The following ADAMTS19 variants were observed in gnomAD, a reference collection of about 807,000 sequenced individuals.
ADAMTS19 encodes the protein A disintegrin and metalloproteinase with thrombospondin motifs 19.
In ADAMTS19, 93 loss-of-function variants were observed where a neutral mutation model predicts 153.3. That is an observed-to-expected ratio of 0.61 (90% confidence interval 0.51 to 0.72). The LOEUF is 0.72. Among genes scored for constraint, ADAMTS19 ranks in the 30% least tolerant of loss-of-function variants. ADAMTS19 has a pLI of 0.00. For missense variants in ADAMTS19, 1,482 were observed against 1,552.1 expected, an observed-to-expected ratio of 0.95 and a Z score of 0.76; for synonymous variants, 600 against 556.6, an observed-to-expected ratio of 1.08 and a Z score of -1.10.
intron 3 of ADAMTS19, among the ~76,000 whole-genome samples, chr5:129,524,002 A>G (rs1057412270): frequency 4.6e-5 from 7 of 152,202 alleles, no homozygotes; most frequent in African/African-American, 1.4e-4. Context: ...TCGTATAGCC[A>G]AGACAATCCT....
intron 8 of ADAMTS19, among the ~76,000 whole-genome samples, chr5:129,601,681 C>A (rs1382815734): frequency 2.6e-5 from 4 of 152,168 alleles, no homozygotes; most frequent in Non-Finnish European, 4.4e-5. Flanking sequence ...GTTGTTCTGT[C>A]CCAATGGAGT....
chr5:129,530,776 C>A (rs1752172976), intron 6 of ADAMTS19, among the ~76,000 whole-genome samples: 1 of 151,318 alleles, frequency 6.6e-6, no homozygotes, highest in South Asian at 2.1e-4. Context: ...CCACTTCTAT[C>A]CAATATCGTA....
chr5:129,618,260 TTC>T (rs1435966365), intron 8 of ADAMTS19, among the ~76,000 whole-genome samples: 1 of 152,068 alleles, frequency 6.6e-6, no homozygotes, highest in African/African-American at 2.4e-5. Context: ...TCTTCCTATT[TTC>T]TCTGTTGTTT....
chr5:129,466,045 G>T lies in ADAMTS19; in HGVS notation c.747+4288G>T, dbSNP rs1185253129. 4.6e-5 allele frequency among the ~76,000 whole-genome samples: 7 copies of T among 152,168 alleles called. 1 individual carries two copies. The highest frequency in any genetic ancestry group is 2.4e-5 in the African/African-American group (1 of 41,440). On this transcript the variant is annotated intron_variant, in intron 2 of 22. Coordinates refer to ENST00000274487, the MANE Select transcript of ADAMTS19 (RefSeq NM_133638.6). Reference sequence around the variant, plus strand: ...AGAAACGTACCTAGAACAAGAGCAGGATTTCTTTTTTCTGTTATCCCATTC... The same window carrying T: ...AGAAACGTACCTAGAACAAGAGCAGTATTTCTTTTTTCTGTTATCCCATTC...
chr5:129,588,409 G>A (rs1020791074), intron 7 of ADAMTS19, among the ~76,000 whole-genome samples: 6 of 152,038 alleles, frequency 3.9e-5, no homozygotes, highest in African/African-American at 9.7e-5. Context: ...AACATAATAT[G>A]AATCTTCTAA....
chr5:129,542,582 G>A (rs1022317444), intron 6 of ADAMTS19, among the ~76,000 whole-genome samples: 12 of 152,208 alleles, frequency 7.9e-5, no homozygotes, highest in South Asian at 4.1e-4. Context: ...GTGACTGCTT[G>A]GAAAAAGTAG....
intron 7 of ADAMTS19, among the ~76,000 whole-genome samples, chr5:129,588,394 G>A (rs923535467): frequency 1.3e-5 from 2 of 152,052 alleles, no homozygotes; most frequent in African/African-American, 4.8e-5. Context: ...TTCGATACAT[G>A]TTTGAACATA....
At chr5:129,658,172 G>A (rs1753629201) in intron 14 of ADAMTS19, among the ~76,000 whole-genome samples, 1 of 151,962 alleles carries the variant, frequency 6.6e-6, no homozygotes, top group Non-Finnish European at 1.5e-5. Context: ...TATAGTCCCA[G>A]CTACTCGGGA....
intron 21 of ADAMTS19, among the ~76,000 whole-genome samples, chr5:129,717,660 C>T (rs1756792872): frequency 6.6e-6 from 1 of 152,186 alleles, no homozygotes; most frequent in African/African-American, 2.4e-5. Context: ...TACCCACCAT[C>T]AGGTTAGATA....
rs1329568431 is a variant in ADAMTS19, at chr5:129,461,113, GC to G, written c.108del (p.Asp37ThrfsTer213). 4.2e-6 allele frequency: 6 copies of G among 1,416,242 alleles called. No individual in the cohort carries two copies. The highest frequency in any genetic ancestry group is 4.6e-6 in the Non-Finnish European group (5 of 1,083,894). The allele number at this position is 1,416,242 out of a possible 1,614,324, so 87.7% of individuals were successfully genotyped here. Reference sequence around the variant, plus strand: ...TGCCCCGCCCGCAGAGCTGCAGTTCGCCCCCGACCGCGAGGAGTGGGAAGTC... The same window carrying G: ...TGCCCCGCCCGCAGAGCTGCAGTTCGCCCCGACCGCGAGGAGTGGGAAGTC... ...SNGIVSELQF[A>X]PDREEWEVVF... is the part of the protein sequence containing the mutation. On this transcript the variant is annotated frameshift_variant, in exon 2 of 23. Transcript: ENST00000274487. LOFTEE classifies it high-confidence loss of function. The surrounding 1 kb of genome is among the most constrained non-coding windows in gnomAD (Gnocchi z 4.6).
intron 17 of ADAMTS19, among the ~76,000 whole-genome samples, chr5:129,682,606 A>G (rs138101925): frequency 6.2e-4 from 94 of 152,224 alleles, no homozygotes; most frequent in African/African-American, 2.2e-3. Context: ...TATTAATAAT[A>G]GTCTGGGTAT....
intron 21 of ADAMTS19, among the ~76,000 whole-genome samples, chr5:129,730,915 T>C (rs1251128769): frequency 6.7e-6 from 1 of 148,946 alleles, no homozygotes; most frequent in Non-Finnish European, 1.5e-5. Flanking sequence ...GGATTTGAGA[T>C]AGTGTTGTTG....
At chr5:129,691,104 A>G (rs558356686) in intron 18 of ADAMTS19, among the ~76,000 whole-genome samples, 1 of 152,172 alleles carries the variant, frequency 6.6e-6, no homozygotes, top group African/African-American at 2.4e-5. Context: ...TATAGTAAAA[A>G]GTGTCAGCTT....
chr5:129,602,553 T>C (rs1288629636), intron 8 of ADAMTS19, among the ~76,000 whole-genome samples: 1 of 152,220 alleles, frequency 6.6e-6, no homozygotes, highest in African/African-American at 2.4e-5. Context: ...ATTGTTATGA[T>C]TGTCATTTTA....
chr5:129,607,340 A>G (rs1402245217), intron 8 of ADAMTS19, among the ~76,000 whole-genome samples: 1 of 152,218 alleles, frequency 6.6e-6, no homozygotes, highest in Non-Finnish European at 1.5e-5. Flanking sequence ...CTGAATAGCA[A>G]TCTCTGTGAA....
At chr5:129,474,449 A>T (rs533647756) in intron 2 of ADAMTS19, among the ~76,000 whole-genome samples, 3 of 152,096 alleles carry the variant, frequency 2.0e-5, no homozygotes, top group Non-Finnish European at 2.9e-5. Context: ...CATACAGTAA[A>T]TTTGTTTAGT....
chr5:129,513,490 G>C lies in ADAMTS19; in HGVS notation c.913+4248G>C, dbSNP rs376533588. On this transcript the variant is annotated intron_variant, in intron 3 of 22. Coordinates refer to ENST00000274487, the MANE Select transcript of ADAMTS19 (RefSeq NM_133638.6). The stretch of plus-strand genomic sequence containing the variant: ...CAGCTTGGGTGACAGAGTGAGACCC[G>C]ATCTCATCTCTAAAAGAAAAAAAAA... 4.6e-5 allele frequency among the ~76,000 whole-genome samples: 7 copies of C among 151,562 alleles called. 1 individual carries two copies. The highest frequency in any genetic ancestry group is 1.5e-4 in the African/African-American group (6 of 41,356).
intron 21 of ADAMTS19, among the ~76,000 whole-genome samples, chr5:129,704,821 C>A (rs994225386): frequency 2.0e-5 from 3 of 151,778 alleles, no homozygotes; most frequent in Non-Finnish European, 4.4e-5. Context: ...ATTTTCCCAC[C>A]AATTTTGGGA....
At chr5:129,706,703 A>C (rs553226347) in intron 21 of ADAMTS19, among the ~76,000 whole-genome samples, 2 of 152,332 alleles carry the variant, frequency 1.3e-5, no homozygotes, top group East Asian at 3.9e-4. Flanking sequence ...TTATAAGCTC[A>C]TACAATGCTG....
Sources: gnomAD v4.1 joint callset for allele counts (sites outside exome capture counted in the v4.1 genomes callset) on GRCh38, gnomAD v4.1.1 for gene constraint, Gnocchi (gnomAD v3.1) non-coding constraint, MANE v1.5 for transcripts, NCBI Gene and HGNC (gene_info 2026-07-23, HGNC 2026-07-21) for gene names.